Variants in KCNT2 observed in about 807,000 individuals in gnomAD.
KCNT2 encodes potassium channel subfamily T member 2.
In KCNT2, 67 loss-of-function variants were observed where a neutral mutation model predicts 153.8. That is an observed-to-expected ratio of 0.44 (90% CI 0.36 to 0.53). KCNT2 has a LOEUF of 0.53. Ranked by LOEUF, KCNT2 falls within the 20% of genes least tolerant of loss-of-function variation. The probability of loss-of-function intolerance (pLI) is 0.00; values close to 1 mark genes in which losing one functional copy is unlikely to be tolerated. For synonymous variants in KCNT2, 500 were observed against 458.8 expected (o/e 1.09, Z -1.15); for missense variants, 975 against 1,354.8 (o/e 0.72, Z 4.40).
chr1:196,304,827 T>G (rs1005792825), intron 22 of KCNT2, among the ~76,000 whole-genome samples: 3 of 152,190 alleles, frequency 2.0e-5, no homozygotes, highest in Admixed American at 6.5e-5. Context: ...CTCTGAGACC[T>G]TGCCAAACTT....
intron 13 of KCNT2, among the ~76,000 whole-genome samples, chr1:196,379,908 C>T (rs146792385): frequency 6.6e-6 from 1 of 152,070 alleles, no homozygotes; most frequent in Admixed American, 6.6e-5. Flanking sequence ...GTATAAAATG[C>T]TAATTAGAAT....
intron 7 of KCNT2, 112 bp from the exon 8 acceptor site, chr1:196,465,499 C>G (rs1677532655): frequency 3.0e-6 from 2 of 668,202 alleles, no homozygotes; most frequent in South Asian, 3.4e-5. Flanking sequence ...CACATACATA[C>G]ATATGTAAAT....
intron 1 of KCNT2, among the ~76,000 whole-genome samples, chr1:196,538,115 T>C (rs1655853194): frequency 1.3e-5 from 2 of 152,014 alleles, no homozygotes; most frequent in African/African-American, 4.8e-5. Context: ...CTAGTGCAGT[T>C]AAAAACGCCC....
At chr1:196,481,722 CAAA>C (rs1297953284) in intron 4 of KCNT2, among the ~76,000 whole-genome samples, 1 of 152,092 alleles carries the variant, frequency 6.6e-6, no homozygotes, top group Non-Finnish European at 1.5e-5. Context: ...CAAAACAAAA[CAAA>C]GAAGTAACGG....
At chr1:196,283,027 T>C (rs1007489800) in intron 23 of KCNT2, among the ~76,000 whole-genome samples, 1 of 152,160 alleles carries the variant, frequency 6.6e-6, no homozygotes, top group Non-Finnish European at 1.5e-5. Context: ...GTATTTTTAG[T>C]AAAGACAGGG....
chr1:196,320,631 A>G (rs745718923), intron 19 of KCNT2, among the ~76,000 whole-genome samples: 1 of 151,542 alleles, frequency 6.6e-6, no homozygotes, highest in African/African-American at 2.4e-5. Context: ...TCTCTCCCTG[A>G]CTTATTTCTC....
intron 25 of KCNT2, among the ~76,000 whole-genome samples, chr1:196,271,087 C>A (rs953790079): frequency 3.3e-5 from 5 of 151,824 alleles, no homozygotes; most frequent in African/African-American, 1.2e-4. Flanking sequence ...TTATCCTTTG[C>A]AGCATCTGAG....
chr1:196,385,630 G>A (rs1364695122), intron 13 of KCNT2, among the ~76,000 whole-genome samples: 3 of 151,882 alleles, frequency 2.0e-5, no homozygotes, highest in African/African-American at 7.3e-5. Context: ...ACAACTCTGT[G>A]TAATAAATAA....
intron 12 of KCNT2, among the ~76,000 whole-genome samples, chr1:196,400,843 A>T (rs1292782644): frequency 6.6e-6 from 1 of 151,814 alleles, no homozygotes; most frequent in East Asian, 1.9e-4. Context: ...TAAAGTAGGC[A>T]GATTTTAGAG....
chr1:196,346,071 T>C (rs1666118558), intron 14 of KCNT2, among the ~76,000 whole-genome samples: 1 of 152,146 alleles, frequency 6.6e-6, no homozygotes, highest in South Asian at 2.1e-4. Flanking sequence ...TGGGTGTTCA[T>C]AATAATATTC....
At chr1:196,265,030 T>C (rs1457289448) in intron 25 of KCNT2, among the ~76,000 whole-genome samples, 1 of 152,158 alleles carries the variant, frequency 6.6e-6, no homozygotes, top group Non-Finnish European at 1.5e-5. Flanking sequence ...CCTGCCTCAC[T>C]CTCCATGGAA....
chr1:196,274,665 T>C (rs1424859044), intron 25 of KCNT2, among the ~76,000 whole-genome samples: 2 of 151,884 alleles, frequency 1.3e-5, no homozygotes, highest in Non-Finnish European at 2.9e-5. Flanking sequence ...TGCACATTTT[T>C]GGAAGCTACA....
At chr1:196,453,110 T>C (rs1010338843) in intron 8 of KCNT2, among the ~76,000 whole-genome samples, 1 of 152,012 alleles carries the variant, frequency 6.6e-6, no homozygotes, top group African/African-American at 2.4e-5. Context: ...TTATTGTTTT[T>C]GTTGTTTTAT....
intron 1 of KCNT2, among the ~76,000 whole-genome samples, chr1:196,509,237 C>T (rs549241997): frequency 6.7e-6 from 1 of 149,602 alleles, no homozygotes; most frequent in Non-Finnish European, 1.5e-5. Flanking sequence ...CCACTGCCCT[C>T]CAGCCGGGGC....
At chr1:196,375,571 A>C (rs748745322) in intron 13 of KCNT2, among the ~76,000 whole-genome samples, 2 of 151,654 alleles carry the variant, frequency 1.3e-5, no homozygotes, top group Non-Finnish European at 3.0e-5. Flanking sequence ...CTTCTTGTTT[A>C]TTCATGCCTG....
chr1:196,491,882 A>G (rs1436279158), intron 2 of KCNT2, among the ~76,000 whole-genome samples: 1 of 152,066 alleles, frequency 6.6e-6, no homozygotes, highest in East Asian at 1.9e-4. Flanking sequence ...TAAATCAGAC[A>G]ATTGTTTCCC....
At chr1:196,535,009 A>G (rs933077651) in intron 1 of KCNT2, among the ~76,000 whole-genome samples, 3 of 152,208 alleles carry the variant, frequency 2.0e-5, no homozygotes, top group South Asian at 2.1e-4. Flanking sequence ...TTATCAAGGT[A>G]TAATTCTGAT....
At chr1:196,276,855 T>C (rs1345425846) in intron 25 of KCNT2, among the ~76,000 whole-genome samples, 2 of 152,114 alleles carry the variant, frequency 1.3e-5, no homozygotes, top group Non-Finnish European at 2.9e-5. Flanking sequence ...GTACCTTGTA[T>C]GTGACCTATC....
Position 196,428,261 on chromosome 1 carries a change from C to T in KCNT2, c.828G>A (p.Gln276=), listed in dbSNP as rs1419457393. Reference sequence around the variant, plus strand: ...GTCTCTCCATCCACAAATAAGCCAGCTGTTCAAACTGTAATATATTTTCCA... The same window carrying T: ...GTCTCTCCATCCACAAATAAGCCAGTTGTTCAAACTGTAATATATTTTCCA... The part of the protein sequence containing the change: ...ALVVLPIQFE[Q]LAYLWMERQK... The change falls in exon 10 of 28, where the codon CAG becomes CAA. Residue 276 remains glutamine (Q), a synonymous_variant. Coordinates refer to ENST00000294725, the MANE Select transcript of KCNT2 (RefSeq NM_198503.5). 1 of 1,610,688 alleles carries T rather than the reference C, an allele frequency of 6.2e-7. No individual in the cohort carries two copies.
Sources: gnomAD v4.1 joint callset for allele counts (sites outside exome capture counted in the v4.1 genomes callset) on GRCh38, gnomAD v4.1.1 for gene constraint, MANE v1.5 for transcripts, NCBI Gene and HGNC (gene_info 2026-07-23, HGNC 2026-07-21) for gene names.